LDLRAD4: variants seen among roughly 807,000 people sequenced by gnomAD.
LDLRAD4 encodes low-density lipoprotein receptor class A domain-containing protein 4.
LDLRAD4 carries 5 observed loss-of-function variants against 17.0 expected under a neutral mutation model. The ratio of observed to expected loss-of-function variants is 0.29; its 90% confidence interval spans 0.15 to 0.62. The LOEUF (loss-of-function observed/expected upper bound fraction) is 0.62. Among genes scored for constraint, LDLRAD4 ranks in the 20% least tolerant of loss-of-function variants. The probability of loss-of-function intolerance (pLI) is 0.84; values close to 1 mark genes in which losing one functional copy is unlikely to be tolerated. For synonymous variants in LDLRAD4, 168 were observed against 171.8 expected (o/e 0.98, Z 0.17); for missense variants, 340 against 424.7 (o/e 0.80, Z 1.75).
chr18:13,635,104 T>A (rs1202132995), intron 4 of LDLRAD4, among the ~76,000 whole-genome samples: 1 of 152,176 alleles, frequency 6.6e-6, no homozygotes, highest in Non-Finnish European at 1.5e-5. Context: ...ACATAAGAGC[T>A]AAAACTTTGA....
In LDLRAD4 at chr18:13,440,705, A is replaced by G. The variant is rs540670041; in HGVS notation, c.181+2321A>G. On this transcript the variant is annotated intron_variant, in intron 3 of 5. Coordinates refer to ENST00000359446, the Ensembl canonical transcript of LDLRAD4. This position sits in a 1 kb window ranked among gnomAD's most constrained non-coding sequence, Gnocchi z 4.4. Reference sequence around the variant, plus strand: ...CACACTTCCTGCCGTGTAAGCATCTAAAGGAAAGAACGTCCATGGGAAACA... The same window carrying G: ...CACACTTCCTGCCGTGTAAGCATCTGAAGGAAAGAACGTCCATGGGAAACA... Among the ~76,000 whole-genome samples the G allele has an allele frequency of 6.6e-5, 10 of 152,266 alleles. No individual in the cohort carries two copies. In the East Asian group the frequency reaches 1.9e-3, roughly 29 times the overall value.
At chr18:13,527,330 G>A (rs2094048861) in intron 3 of LDLRAD4, among the ~76,000 whole-genome samples, 1 of 152,244 alleles carries the variant, frequency 6.6e-6, no homozygotes, top group Non-Finnish European at 1.5e-5. Flanking sequence ...ATATGCCCTT[G>A]TCCTTGAATG....
chr18:13,611,834 C>A (rs967461762), intron 3 of LDLRAD4: 1 of 985,418 alleles, frequency 1.0e-6, no homozygotes, highest in African/African-American at 1.7e-5. Flanking sequence ...GCGGTTAGGA[C>A]CTCACGCCTT....
At chr18:13,504,488 C>CA (rs2093659914) in intron 3 of LDLRAD4, among the ~76,000 whole-genome samples, 1 of 152,220 alleles carries the variant, frequency 6.6e-6, no homozygotes, top group Non-Finnish European at 1.5e-5. Context: ...AGTGCAGTGG[C>CA]ACGATCTCAG....
intron 1 of LDLRAD4, among the ~76,000 whole-genome samples, chr18:13,257,131 A>C (rs2043550491): frequency 6.6e-6 from 1 of 152,230 alleles, no homozygotes; most frequent in Non-Finnish European, 1.5e-5. Flanking sequence ...GCCGCGCTGG[A>C]GGGTCCGGCG....
intron 2 of LDLRAD4, among the ~76,000 whole-genome samples, chr18:13,408,692 T>G (rs1183829533): frequency 6.6e-6 from 1 of 151,780 alleles, no homozygotes; most frequent in Non-Finnish European, 1.5e-5. Flanking sequence ...AGGCTGATCT[T>G]GAACTCCTGA....
chr18:13,412,581 G>A (rs2088478987), intron 2 of LDLRAD4, among the ~76,000 whole-genome samples: 1 of 152,164 alleles, frequency 6.6e-6, no homozygotes, highest in Admixed American at 6.6e-5. Flanking sequence ...TAGAGAGACA[G>A]CAGTGAAGGT....
intron 3 of LDLRAD4, among the ~76,000 whole-genome samples, chr18:13,494,845 T>A (rs533025326): frequency 1.3e-5 from 2 of 150,716 alleles, no homozygotes; most frequent in African/African-American, 4.9e-5. Flanking sequence ...CAATGGTCAT[T>A]TGTAATTCAC....
intron 1 of LDLRAD4, among the ~76,000 whole-genome samples, chr18:13,325,656 A>T (rs1022420535): frequency 2.0e-5 from 3 of 152,110 alleles, no homozygotes; most frequent in Non-Finnish European, 4.4e-5. Flanking sequence ...CCCGGCACTC[A>T]GCTTCGCTGC....
At chr18:13,231,426 C>T (rs1433502100) in intron 1 of LDLRAD4, among the ~76,000 whole-genome samples, 5 of 152,160 alleles carry the variant, frequency 3.3e-5, no homozygotes, top group Non-Finnish European at 5.9e-5. Context: ...GCGGCCTGCC[C>T]GAGATCGCGT....
Position 13,440,283 on chromosome 18 carries a change from C to T in LDLRAD4, c.181+1899C>T, listed in dbSNP as rs143913914. Among the ~76,000 whole-genome samples the T allele has an allele frequency of 1.1e-4, 16 of 152,282 alleles. No individual in the cohort carries two copies. Among genetic ancestry groups the T allele is most frequent in the Non-Finnish European group, 7.4e-5 (5 of 68,016 alleles). On this transcript the variant is annotated intron_variant, in intron 3 of 5. Coordinates refer to ENST00000359446, the Ensembl canonical transcript of LDLRAD4. The surrounding 1 kb of genome is among the most constrained non-coding windows in gnomAD (Gnocchi z 4.4). Reference sequence around the variant, plus strand: ...TCCTTCCTACCCTTCCCTCCTCCCTCGCTCCCTTTCTTGTCAGTATTCTTT... The same window carrying T: ...TCCTTCCTACCCTTCCCTCCTCCCTTGCTCCCTTTCTTGTCAGTATTCTTT...
chr18:13,325,661 C>T lies in LDLRAD4; in HGVS notation c.-383+47473C>T, dbSNP rs559905560. ...CCAGGCCGATCCCGGCACTCAGCTT[C>T]GCTGCGCACCCGCCCGTCTCGGAAC... On this transcript the variant is annotated intron_variant, in intron 1 of 5. Coordinates refer to ENST00000359446, the Ensembl canonical transcript of LDLRAD4. Among the ~76,000 whole-genome samples the T allele has an allele frequency of 3.9e-5, 6 of 152,368 alleles. No homozygotes were observed. In the South Asian group the frequency reaches 6.2e-4, roughly 16 times the overall value.
At chr18:13,344,249 T>G (rs1326125196) in intron 1 of LDLRAD4, among the ~76,000 whole-genome samples, 1 of 152,270 alleles carries the variant, frequency 6.6e-6, no homozygotes, top group East Asian at 1.9e-4. Flanking sequence ...CATCTTGAAT[T>G]AATTTTTGTA....
intron 3 of LDLRAD4, among the ~76,000 whole-genome samples, chr18:13,465,537 G>C (rs973476367): frequency 1.3e-5 from 2 of 152,236 alleles, no homozygotes; most frequent in Admixed American, 6.5e-5. Context: ...GGAGGAGGAT[G>C]CATTTGTTGT....
intron 4 of LDLRAD4, among the ~76,000 whole-genome samples, chr18:13,632,283 C>T (rs1054183512): frequency 6.6e-6 from 1 of 152,242 alleles, no homozygotes; most frequent in African/African-American, 2.4e-5. Flanking sequence ...GCGCTCAGCT[C>T]ACGTTACTGG....
At chr18:13,229,778 G>A (rs1476232116) in intron 1 of LDLRAD4, among the ~76,000 whole-genome samples, 1 of 152,162 alleles carries the variant, frequency 6.6e-6, no homozygotes, top group Non-Finnish European at 1.5e-5. Context: ...CCACGCACTA[G>A]GCATAGATAA....
At chr18:13,526,359 A>G (rs1485609218) in intron 3 of LDLRAD4, 1 of 152,222 alleles carries the variant, frequency 6.6e-6, no homozygotes, top group Non-Finnish European at 1.5e-5. Context: ...AAAACATATA[A>G]TGCACTCTGA....
At chr18:13,626,168 A>G (rs2041153430) in intron 4 of LDLRAD4, among the ~76,000 whole-genome samples, 1 of 152,166 alleles carries the variant, frequency 6.6e-6, no homozygotes, top group Non-Finnish European at 1.5e-5. Context: ...CCGGATCTGC[A>G]TCCTTGTGCA....
At position 13,586,353 on chromosome 18, in the gene LDLRAD4, G is replaced by A. The variant is rs144819964; in HGVS notation, c.182-34764G>A. Among the ~76,000 whole-genome samples, 822 of 129,658 alleles carry A rather than the reference G, an allele frequency of 6.3e-3. 5 individuals carry two copies. Among genetic ancestry groups the A allele is most frequent in the African/African-American group, 0.023 (783 of 34,308 alleles). 85.1% of individuals were successfully genotyped at this position (129,658 alleles called of 152,430 possible). On this transcript the variant is annotated intron_variant, in intron 3 of 5. Transcript: ENST00000359446. Reference sequence around the variant, plus strand: ...ACCCGGGAGGCGGAGGTTGCAGTGAGTTGAGGTCGTGCCACTGCACTTCAG... The same window carrying A: ...ACCCGGGAGGCGGAGGTTGCAGTGAATTGAGGTCGTGCCACTGCACTTCAG...
Sources: gnomAD v4.1 joint callset for allele counts (sites outside exome capture counted in the v4.1 genomes callset) on GRCh38, gnomAD v4.1.1 for gene constraint, Gnocchi (gnomAD v3.1) non-coding constraint, MANE v1.5 for transcripts, NCBI Gene and HGNC (gene_info 2026-07-23, HGNC 2026-07-21) for gene names.